The following AGBL4 variants were observed in gnomAD, a reference collection of about 807,000 sequenced individuals.
AGBL4 encodes cytosolic carboxypeptidase 6.
Under a neutral mutation model 66.4 loss-of-function variants are expected in AGBL4, and 58 were observed. The ratio of observed to expected loss-of-function variants is 0.87; its 90% CI spans 0.71 to 1.09. The LOEUF is 1.09. Ranked by LOEUF, AGBL4 falls within the 50% of genes least tolerant of loss-of-function variation. The pLI is 0.00. For missense variants in AGBL4, 579 were observed against 631.0 expected (o/e 0.92, Z 0.88); for synonymous variants, 234 against 222.9 (o/e 1.05, Z -0.44).
chr1:49,159,529 C>T (rs533136334), intron 4 of AGBL4, among the ~76,000 whole-genome samples: 37 of 152,100 alleles, frequency 2.4e-4, no homozygotes, highest in African/African-American at 8.9e-4. Context: ...GTGAATCTGA[C>T]GATTGTGTCT....
intron 6 of AGBL4, among the ~76,000 whole-genome samples, chr1:48,664,215 G>C (rs975039967): frequency 6.6e-6 from 1 of 152,178 alleles, no homozygotes; most frequent in South Asian, 2.1e-4. Context: ...AGAGGGGGAA[G>C]CACTGTAGAA....
intron 5 of AGBL4, among the ~76,000 whole-genome samples, chr1:48,984,591 T>C (rs1000970131): frequency 1.3e-5 from 2 of 150,078 alleles, no homozygotes; most frequent in Non-Finnish European, 3.0e-5. Context: ...GTTTTCTTTT[T>C]TTGAAGTAAA....
At chr1:48,614,362 G>A (rs1645285793) in intron 9 of AGBL4, among the ~76,000 whole-genome samples, 1 of 152,216 alleles carries the variant, frequency 6.6e-6, no homozygotes, top group South Asian at 2.1e-4. Flanking sequence ...TGAAGAGGCT[G>A]AGCAAGAATC....
chr1:49,926,058 G>A lies in AGBL4; in HGVS notation c.35-74540C>T, dbSNP rs1260426460. Among the ~76,000 whole-genome samples, 2 of 152,218 alleles carry A rather than the reference G, an allele frequency of 1.3e-5. 1 individual carries two copies. Among genetic ancestry groups the A allele is most frequent in the Non-Finnish European group, 2.9e-5 (2 of 68,044 alleles). ...AGGTGGTAGCCAAGTGGTGGTTACAGTTGACCTCGAGCAAGACTCAGGGCT... is the reference window on the plus strand; with the variant it reads ...AGGTGGTAGCCAAGTGGTGGTTACAATTGACCTCGAGCAAGACTCAGGGCT... On this transcript the variant is annotated intron_variant, in intron 1 of 13. Transcript: ENST00000371839.
intron 9 of AGBL4, among the ~76,000 whole-genome samples, chr1:48,624,129 A>G (rs565488614): frequency 7.2e-5 from 11 of 152,324 alleles, no homozygotes; most frequent in African/African-American, 2.4e-4. Context: ...GTGGATTCCA[A>G]TGCTCCAGAA....
intron 3 of AGBL4, among the ~76,000 whole-genome samples, chr1:49,252,758 C>A (rs1321602624): frequency 6.6e-6 from 1 of 152,144 alleles, no homozygotes; most frequent in Non-Finnish European, 1.5e-5. Flanking sequence ...CAATATTCAA[C>A]ATTATTAAAT....
chr1:49,477,708 T>C (rs1263241453), intron 3 of AGBL4, among the ~76,000 whole-genome samples: 3 of 151,784 alleles, frequency 2.0e-5, no homozygotes, highest in Admixed American at 2.0e-4. Flanking sequence ...CCTTACCAAA[T>C]GAACTAAATA....
intron 6 of AGBL4, chr1:48,758,836 G>A (rs1253657839): frequency 2.9e-6 from 4 of 1,385,444 alleles, no homozygotes; most frequent in Non-Finnish European, 3.8e-6. Context: ...TCCCTTCCTG[G>A]AAGAGGATCT....
At chr1:50,019,304 TCTCA>T (rs1193657310) in intron 1 of AGBL4, among the ~76,000 whole-genome samples, 8 of 46,884 alleles carry the variant, frequency 1.7e-4, no homozygotes, top group African/African-American at 3.4e-4. Context: ...TCTCTCTCTC[TCTCA>T]CACACACACA....
intron 3 of AGBL4, among the ~76,000 whole-genome samples, chr1:49,660,338 A>T (rs1312687239): frequency 6.6e-6 from 1 of 152,246 alleles, no homozygotes; most frequent in Non-Finnish European, 1.5e-5. Context: ...TGCAGCCAAC[A>T]AACATGAAAA....
intron 12 of AGBL4, among the ~76,000 whole-genome samples, chr1:48,537,459 G>A (rs4926743): frequency 0.068 from 10,336 of 152,046 alleles, 830 homozygotes; most frequent in Admixed American, 0.26. Context: ...GATCCGTGTC[G>A]GGGTTCCATC....
intron 3 of AGBL4, among the ~76,000 whole-genome samples, chr1:49,333,866 C>T (rs1284801347): frequency 1.3e-5 from 2 of 152,136 alleles, no homozygotes; most frequent in African/African-American, 4.8e-5. Context: ...ATTTGTGGGA[C>T]TTCCATTTAT....
At chr1:49,552,567 C>G (rs1653051554) in intron 3 of AGBL4, among the ~76,000 whole-genome samples, 1 of 152,186 alleles carries the variant, frequency 6.6e-6, no homozygotes, top group Non-Finnish European at 1.5e-5. Flanking sequence ...GCAAACAGGC[C>G]TTCAGTTTCT....
At chr1:49,835,056 G>T (rs1227369918) in intron 2 of AGBL4, among the ~76,000 whole-genome samples, 1 of 152,166 alleles carries the variant, frequency 6.6e-6, no homozygotes, top group Non-Finnish European at 1.5e-5. Flanking sequence ...CTATTGATTT[G>T]GGGTGGAGAG....
chr1:48,655,010 C>T (rs1405823204), intron 7 of AGBL4, among the ~76,000 whole-genome samples: 2 of 152,212 alleles, frequency 1.3e-5, no homozygotes, highest in Non-Finnish European at 2.9e-5. Flanking sequence ...CATCAAGGAG[C>T]CAGCCTGTGC....
chr1:48,638,026 T>C (rs879824406), intron 8 of AGBL4, among the ~76,000 whole-genome samples: 1 of 152,234 alleles, frequency 6.6e-6, no homozygotes, highest in Non-Finnish European at 1.5e-5. Context: ...TCCTTAGAGA[T>C]GCTCAGTTAT....
intron 2 of AGBL4, among the ~76,000 whole-genome samples, chr1:49,763,900 G>GCCAGACTATA (rs1652528464): frequency 6.6e-6 from 1 of 152,116 alleles, no homozygotes; most frequent in Admixed American, 6.5e-5. Context: ...CTGAGGAGTG[G>GCCAGACTATA]CCAGACTATA....
chr1:49,934,824 CAA>C (rs1196613164), intron 1 of AGBL4, among the ~76,000 whole-genome samples: 6 of 114,194 alleles, frequency 5.3e-5, no homozygotes, highest in Non-Finnish European at 4.0e-5. Context: ...ATCAGAGATA[CAA>C]AAAAAAAAAA....
intron 2 of AGBL4, among the ~76,000 whole-genome samples, chr1:49,797,326 C>T (rs893294351): frequency 6.6e-6 from 1 of 152,102 alleles, no homozygotes; most frequent in Non-Finnish European, 1.5e-5. Context: ...GTTTCTGAAC[C>T]TCAAAATATA....
Sources: allele counts gnomAD v4.1 joint callset (sites outside exome capture counted in the v4.1 genomes callset), GRCh38; gene constraint gnomAD v4.1.1; transcripts MANE v1.5; gene names NCBI Gene and HGNC (gene_info 2026-07-23, HGNC 2026-07-21).